DHX36: variants seen among roughly 807,000 people sequenced by gnomAD.
DHX36 encodes ATP-dependent DNA/RNA helicase DHX36.
In DHX36, 50 loss-of-function variants were observed where a neutral mutation model predicts 139.0. The ratio of observed to expected loss-of-function variants is 0.36; its 90% CI spans 0.29 to 0.46. The LOEUF is 0.46. DHX36 is among the 20% of genes least tolerant of loss of function. The pLI is 1.00. For missense variants in DHX36, 1,024 were observed against 1,211.3 expected (o/e 0.85, Z 2.29); for synonymous variants, 425 against 401.9 (o/e 1.06, Z -0.69).
intron 3 of DHX36, 78 bp from the exon 4 acceptor site, chr3:154,311,752 C>G (rs936527889): frequency 1.8e-6 from 2 of 1,134,882 alleles, no homozygotes; most frequent in African/African-American, 1.6e-5. Flanking sequence ...GGATACATCA[C>G]AGGGTAAATT....
intron 4 of DHX36, among the ~76,000 whole-genome samples, 171 bp downstream of exon 4, chr3:154,311,465 T>C (rs912504018): frequency 4.6e-5 from 7 of 152,234 alleles, no homozygotes; most frequent in Admixed American, 4.6e-4. Context: ...GAAAATTGTT[T>C]ATGAACCTTT....
intron 24 of DHX36, 65 bp from the exon 25 acceptor site, chr3:154,276,421 G>T (rs1304092955): frequency 2.1e-6 from 3 of 1,428,102 alleles, no homozygotes; most frequent in African/African-American, 2.9e-5. Flanking sequence ...CATAATAAAT[G>T]AAACTAATTT....
At position 154,276,906 on chromosome 3, in the gene DHX36, T is replaced by C. The variant is rs1420316550; in HGVS notation, c.2689-7A>G. The stretch of plus-strand genomic sequence containing the variant: ...TGCAGTCATACAAGTATATCTGTAA[T>C]GAAAATTAAAGTGAATTAATACATT... On this transcript the variant is annotated splice_polypyrimidine_tract_variant and splice_region_variant and intron_variant, in intron 23 of 24. Transcript: ENST00000496811. The C allele has an allele frequency of 6.2e-6, 10 of 1,602,746 alleles. No homozygotes were observed. The highest frequency in any genetic ancestry group is 8.5e-6 in the Non-Finnish European group (10 of 1,176,992).
intron 11 of DHX36, among the ~76,000 whole-genome samples, chr3:154,300,324 TC>T (rs1020446970): frequency 6.6e-6 from 1 of 152,216 alleles, no homozygotes; most frequent in African/African-American, 2.4e-5. Flanking sequence ...TGCCTTGGCC[TC>T]CCAGAGTGCT....
intron 1 of DHX36, among the ~76,000 whole-genome samples, chr3:154,316,927 C>A (rs1424794224): frequency 2.0e-5 from 3 of 151,944 alleles, no homozygotes; most frequent in African/African-American, 7.2e-5. Context: ...ACCTTAGGTT[C>A]TAACGTGCAT....
intron 1 of DHX36, among the ~76,000 whole-genome samples, chr3:154,319,543 G>T (rs1464043653): frequency 6.6e-6 from 1 of 152,098 alleles, no homozygotes; most frequent in Non-Finnish European, 1.5e-5. Context: ...TGTTATAAAA[G>T]AAGTGCATTT....
At chr3:154,320,619 T>C (rs1404140965) in intron 1 of DHX36, among the ~76,000 whole-genome samples, 2 of 152,194 alleles carry the variant, frequency 1.3e-5, no homozygotes, top group African/African-American at 4.8e-5. Flanking sequence ...ACTCATAGTG[T>C]CCATAGCTGA....
At chr3:154,276,587 T>A in intron 24 of DHX36, 160 bp downstream of exon 24, 1 of 895,004 alleles carries the variant, frequency 1.1e-6, no homozygotes, top group South Asian at 1.7e-5. Flanking sequence ...TGTTACCACC[T>A]CAAAACACAA....
intron 17 of DHX36, 63 bp downstream of exon 17, chr3:154,288,803 T>C: frequency 1.1e-6 from 1 of 942,454 alleles, no homozygotes; most frequent in Non-Finnish European, 1.5e-6. Context: ...AACATTATAA[T>C]TAACTGGTTT....
Position 154,292,437 on chromosome 3 carries a change from CAAAAT to C in DHX36, c.1814+109_1814+113del, listed in dbSNP as rs540017237. On this transcript the variant is annotated intron_variant, in intron 15 of 24. Transcript: ENST00000496811. ...ATTTAAAAATGTTTTGCAATAAGCT[CAAAAT>C]AATAAGAAAGGTAACTCTTTTAATA... The C allele has an allele frequency of 2.3e-4, 336 of 1,442,574 alleles. No homozygotes were observed. In the East Asian group the frequency reaches 6.8e-3, roughly 29 times the overall value. The allele number at this position is 1,442,574 out of a possible 1,614,324, so 89.4% of individuals were successfully genotyped here.
intron 20 of DHX36, among the ~76,000 whole-genome samples, chr3:154,281,084 T>C (rs1441332368): frequency 6.6e-6 from 1 of 152,162 alleles, no homozygotes; most frequent in Non-Finnish European, 1.5e-5. Flanking sequence ...TGGTTGTTTT[T>C]GCACTACAAT....
At chr3:154,317,179 T>C (rs1308349235) in intron 1 of DHX36, among the ~76,000 whole-genome samples, 1 of 152,036 alleles carries the variant, frequency 6.6e-6, no homozygotes, top group East Asian at 1.9e-4. Context: ...AGCAGTAAGA[T>C]GAATCATTAA....
intron 12 of DHX36, among the ~76,000 whole-genome samples, chr3:154,298,568 T>C (rs1017639180): frequency 1.3e-5 from 2 of 152,220 alleles, no homozygotes; most frequent in African/African-American, 2.4e-5. Flanking sequence ...ATAATAAATA[T>C]ATACATTTAT....
In DHX36 at chr3:154,324,286, C is replaced by G. The variant is rs576957075; in HGVS notation, c.131G>C (p.Gly44Ala). ...RGSGGGGGGGGGGRGGRGRHP... is the reference protein window; with the variant it reads ...RGSGGGGGGGAGGRGGRGRHP... ...CCGGCCCCTGCCGCCTCGACCACCC[C>G]CTCCGCCGCCGCCGCCTCCTCCGGA... The change falls in exon 1 of 25, where the codon GGG becomes GCG. Residue 44 changes from glycine (G) to alanine (A), a missense_variant. Around this residue, in one of 4 missense-constraint regions of DHX36, gnomAD observed 293 missense variants for 274.4 expected, o/e 1.07. Coordinates refer to ENST00000496811, the MANE Select transcript of DHX36 (RefSeq NM_020865.3). 4 of 1,613,016 alleles carry G rather than the reference C, an allele frequency of 2.5e-6. No homozygotes were observed. The East Asian group carries it at 8.9e-5, about 36-fold the overall frequency.
At position 154,315,054 on chromosome 3, in the gene DHX36, C is replaced by G. The variant is rs1221472102; in HGVS notation, c.595G>C (p.Glu199Gln). 6.3e-7 allele frequency: 1 copy of G among 1,591,258 alleles called. No individual in the cohort carries two copies. Among genetic ancestry groups the G allele is most frequent in the Admixed American group, 1.8e-5 (1 of 56,924 alleles). Residue 199 changes from glutamate (E) to glutamine (Q), a missense_variant, in exon 3 of 25, where the codon GAA becomes CAA. Coordinates refer to ENST00000496811, the MANE Select transcript of DHX36 (RefSeq NM_020865.3). The stretch of plus-strand genomic sequence containing the variant: ...TGACATCTTTCTACTACCTGCATTT[C>G]AATATACCGAAGGTCATTTTTTTTC... ...QKKKNDLRYI[E>Q]MQHFREKLPS...
chr3:154,291,157 A>T (rs914507678), intron 15 of DHX36, among the ~76,000 whole-genome samples: 2 of 144,498 alleles, frequency 1.4e-5, no homozygotes, highest in African/African-American at 5.2e-5. Context: ...AAAAAAAAAA[A>T]AAAAGAGTAC....
intron 9 of DHX36, among the ~76,000 whole-genome samples, chr3:154,302,112 A>C (rs1046034768): frequency 3.9e-5 from 6 of 152,202 alleles, no homozygotes; most frequent in Admixed American, 3.3e-4. Context: ...TGTATAGCAC[A>C]AAGAGTGCTT....
rs980730993 is a variant in DHX36 at position 154,273,765 on chromosome 3, A to C, written c.*2406T>G. 2 of 152,206 alleles carry C rather than the reference A, an allele frequency of 1.3e-5. No individual in the cohort carries two copies. Among genetic ancestry groups the C allele is most frequent in the Non-Finnish European group, 2.9e-5 (2 of 68,034 alleles). The allele number at this position is 152,206 out of a possible 1,614,324, so 9.4% of individuals were successfully genotyped here. ...TGGATCACTGTAGCATTATCAATACATCCCAGTCATTGTATGATACTATTA... is the reference window on the plus strand; with the variant it reads ...TGGATCACTGTAGCATTATCAATACCTCCCAGTCATTGTATGATACTATTA... On this transcript the variant is annotated 3_prime_UTR_variant, in exon 25 of 25. Transcript: ENST00000496811.
At chr3:154,286,958 G>A (rs898580243) in intron 17 of DHX36, among the ~76,000 whole-genome samples, 1 of 152,012 alleles carries the variant, frequency 6.6e-6, no homozygotes, top group African/African-American at 2.4e-5. Context: ...AGACGTTTTT[G>A]AAGAAGAATG....
Sources: gnomAD v4.1 joint callset for allele counts (sites outside exome capture counted in the v4.1 genomes callset) on GRCh38, gnomAD v4.1.1 for gene constraint, gnomAD v4.1.1 regional missense constraint, MANE v1.5 for transcripts, NCBI Gene and HGNC (gene_info 2026-07-23, HGNC 2026-07-21) for gene names.